ANKFN1: variants seen among roughly 807,000 people sequenced by gnomAD.
ANKFN1 encodes ankyrin repeat and fibronectin type III domain containing 1.
A neutral mutation model predicts 108.7 loss-of-function variants in ANKFN1; 74 were observed. The ratio of observed to expected loss-of-function variants is 0.68; its 90% CI spans 0.56 to 0.83. The LOEUF is 0.83. ANKFN1 is among the 40% of genes least tolerant of loss of function. The probability of loss-of-function intolerance (pLI) is 0.00; values close to 1 mark genes in which losing one functional copy is unlikely to be tolerated. For missense variants in ANKFN1, 1,505 were observed against 1,382.3 expected, an observed-to-expected ratio of 1.09 and a Z score of -1.41; for synonymous variants, 547 against 516.2, an observed-to-expected ratio of 1.06 and a Z score of -0.81.
intron 18 of ANKFN1, among the ~76,000 whole-genome samples, chr17:56,486,786 C>T (rs2050871014): frequency 6.6e-6 from 1 of 152,114 alleles, no homozygotes; most frequent in Non-Finnish European, 1.5e-5. Flanking sequence ...TCTAATGAAA[C>T]TTAAAAAGGT....
chr17:56,052,340 G>T (rs556404969), intron 4 of ANKFN1, among the ~76,000 whole-genome samples: 6 of 152,314 alleles, frequency 3.9e-5, no homozygotes, highest in African/African-American at 1.4e-4. Flanking sequence ...TCTGATCTGA[G>T]TGTGATTTCC....
chr17:56,335,834 A>G (rs558153243), intron 4 of ANKFN1, among the ~76,000 whole-genome samples: 1 of 152,324 alleles, frequency 6.6e-6, no homozygotes, highest in African/African-American at 2.4e-5. Context: ...CCCATTCAGT[A>G]TGATATTGGC....
At chr17:56,360,546 A>T (rs919960318) in intron 6 of ANKFN1, among the ~76,000 whole-genome samples, 9 of 152,090 alleles carry the variant, frequency 5.9e-5, no homozygotes, top group Non-Finnish European at 1.3e-4. Context: ...AAAGGACAGC[A>T]CCTCTCTCAT....
chr17:56,342,640 A>T (rs2045988400), intron 4 of ANKFN1, among the ~76,000 whole-genome samples: 2 of 152,024 alleles, frequency 1.3e-5, no homozygotes, highest in Admixed American at 1.3e-4. Context: ...TTCTAATTTG[A>T]TTGTAACGTG....
intron 18 of ANKFN1, among the ~76,000 whole-genome samples, chr17:56,487,616 T>C (rs1315669667): frequency 6.6e-6 from 1 of 152,166 alleles, no homozygotes; most frequent in Non-Finnish European, 1.5e-5. Context: ...CCAGGTACTG[T>C]GCTGGGACTG....
intron 16 of ANKFN1, among the ~76,000 whole-genome samples, chr17:56,478,485 A>C (rs1296207222): frequency 6.6e-6 from 1 of 152,146 alleles, no homozygotes; most frequent in East Asian, 1.9e-4. Flanking sequence ...TACAACCCTT[A>C]TAATTCTCTA....
At chr17:56,382,166 G>A (rs971910455) in intron 8 of ANKFN1, among the ~76,000 whole-genome samples, 4 of 152,096 alleles carry the variant, frequency 2.6e-5, no homozygotes, top group Non-Finnish European at 4.4e-5. Flanking sequence ...AGAGAATGGG[G>A]GCCAATATTC....
At chr17:56,474,866 C>A (rs993380977) in intron 15 of ANKFN1, among the ~76,000 whole-genome samples, 1 of 152,122 alleles carries the variant, frequency 6.6e-6, no homozygotes, top group African/African-American at 2.4e-5. Context: ...CAGCCTTATC[C>A]ATCCTGATAT....
intron 1 of ANKFN1, among the ~76,000 whole-genome samples, chr17:56,157,541 C>T (rs1319581131): frequency 5.9e-5 from 9 of 152,170 alleles, no homozygotes; most frequent in East Asian, 1.9e-4. Flanking sequence ...CTTCCTCTCT[C>T]GAGACTTTAG....
intron 1 of ANKFN1, among the ~76,000 whole-genome samples, chr17:56,190,552 G>A (rs1912804205): frequency 7.2e-6 from 1 of 138,092 alleles, no homozygotes; most frequent in Non-Finnish European, 1.5e-5. Context: ...CTGAGTTCTA[G>A]TTTGATTGCA....
intron 4 of ANKFN1, among the ~76,000 whole-genome samples, chr17:56,080,660 A>G (rs1905235144): frequency 6.6e-6 from 1 of 152,182 alleles, no homozygotes; most frequent in Non-Finnish European, 1.5e-5. Context: ...CATGTTAACC[A>G]TGTGGTAACT....
chr17:56,107,545 T>G (rs1905774431), intron 4 of ANKFN1, among the ~76,000 whole-genome samples: 1 of 152,174 alleles, frequency 6.6e-6, no homozygotes, highest in South Asian at 2.1e-4. Flanking sequence ...AGGAGCTTGT[T>G]GGGAAACTAA....
rs2143696441 is a variant in ANKFN1 at position 56,191,802 on chromosome 17, A to G, written c.-70-20796A>G. Among the ~76,000 whole-genome samples, 2 of 148,520 alleles carry G rather than the reference A, an allele frequency of 1.3e-5. 1 individual carries two copies. The highest frequency in any genetic ancestry group is 5.0e-5 in the African/African-American group (2 of 40,092). On this transcript the variant is annotated intron_variant, in intron 1 of 20. Coordinates refer to ENST00000682825, the MANE Select transcript of ANKFN1 (RefSeq NM_001370326.1). ...GAAGTTCTCCTGGATAATATCCTGC[A>G]GAGTGTTTTCCAACTTGGTTCCATT...
intron 1 of ANKFN1, among the ~76,000 whole-genome samples, chr17:56,183,322 A>G (rs192255022): frequency 4.6e-5 from 7 of 152,316 alleles, no homozygotes; most frequent in African/African-American, 1.7e-4. Context: ...AAGAACATCT[A>G]TCATAAATGG....
At chr17:56,425,720 G>T (rs2048542267) in intron 8 of ANKFN1, among the ~76,000 whole-genome samples, 1 of 151,650 alleles carries the variant, frequency 6.6e-6, no homozygotes, top group Non-Finnish European at 1.5e-5. Flanking sequence ...TCTGCCAGGA[G>T]CCAGCCTGTC....
intron 4 of ANKFN1, among the ~76,000 whole-genome samples, chr17:56,087,288 GC>G (rs1406591754): frequency 6.6e-6 from 1 of 151,346 alleles, no homozygotes; most frequent in East Asian, 1.9e-4. Context: ...CCCCAGAAGG[GC>G]ACTGTGGGCT....
chr17:56,083,245 C>A (rs909166233), intron 4 of ANKFN1, among the ~76,000 whole-genome samples: 3 of 151,340 alleles, frequency 2.0e-5, no homozygotes, highest in Non-Finnish European at 4.4e-5. Flanking sequence ...CAATAAAGGT[C>A]ACTAAAACAA....
chr17:56,326,366 T>C lies in ANKFN1; in HGVS notation c.188+11T>C. 1.9e-6 allele frequency: 3 copies of C among 1,604,684 alleles called. No homozygotes were observed. The highest frequency in any genetic ancestry group is 2.5e-6 in the Non-Finnish European group (3 of 1,176,912). Reference sequence around the variant, plus strand: ...GAACAGCATAAACTGGTAAGTCAAATTTACTGTTGTCTTTCTTCATGTGAA... The same window carrying C: ...GAACAGCATAAACTGGTAAGTCAAACTTACTGTTGTCTTTCTTCATGTGAA... On this transcript the variant is annotated intron_variant, in intron 4 of 20. Coordinates refer to ENST00000682825, the MANE Select transcript of ANKFN1 (RefSeq NM_001370326.1).
In ANKFN1 at chr17:56,511,042, C is replaced by G. The variant is rs1467184699; in HGVS notation, c.3214C>G (p.Leu1072Val). 5.9e-6 allele frequency: 9 copies of G among 1,535,906 alleles called. No homozygotes were observed. The Admixed American group carries it at 1.8e-4, about 30-fold the overall frequency. ...CCTAACTCTGGCCCACGCTGCCAGC[C>G]TTCCTGAGGAGCGGAACAGCAGTCT... ...RGLTLAHAAS[L>V]PEERNSSLQD... The change falls in exon 21 of 21, where the codon CTT becomes GTT. Residue 1072 changes from leucine to valine, a missense_variant. Transcript: ENST00000682825.
Sources: allele counts gnomAD v4.1 joint callset (sites outside exome capture counted in the v4.1 genomes callset), GRCh38; gene constraint gnomAD v4.1.1; transcripts MANE v1.5; gene names NCBI Gene and HGNC (gene_info 2026-07-23, HGNC 2026-07-21).